Variants in INSYN2A observed in about 807,000 individuals in gnomAD.
INSYN2A encodes the protein inhibitory synaptic factor 2A, also known as family with sequence similarity 196 member A.
In INSYN2A, 17 loss-of-function variants were observed where a neutral mutation model predicts 39.4. That is an observed-to-expected ratio of 0.43 (90% CI 0.30 to 0.65). The LOEUF is 0.65. Ranked by LOEUF, INSYN2A falls within the 30% of genes least tolerant of loss-of-function variation. INSYN2A has a pLI of 0.14. For missense variants in INSYN2A, 595 were observed against 631.2 expected (o/e 0.94, Z 0.61); for synonymous variants, 255 against 265.7 (o/e 0.96, Z 0.39).
rs773940409 is a variant in INSYN2A at position 127,137,805 on chromosome 10, A to G, written c.*32T>C. 1 of 1,588,960 alleles carries G rather than the reference A, an allele frequency of 6.3e-7. No homozygotes were observed. Among genetic ancestry groups the G allele is most frequent in the East Asian group, 2.2e-5 (1 of 44,756 alleles). On this transcript the variant is annotated 3_prime_UTR_variant, in exon 6 of 6. Coordinates refer to ENST00000522781, the MANE Select transcript of INSYN2A (RefSeq NM_001039762.3). ...TGACTTAAACTCCAGTGGGTTCTAAAGACGGCCTCGAGACTCCAGACACCG... is the reference window on the plus strand; with the variant it reads ...TGACTTAAACTCCAGTGGGTTCTAAGGACGGCCTCGAGACTCCAGACACCG...
chr10:127,181,246 A>T (rs564269900), intron 2 of INSYN2A, among the ~76,000 whole-genome samples: 1 of 152,360 alleles, frequency 6.6e-6, no homozygotes, highest in Admixed American at 6.5e-5. Context: ...AGCAGAAGAT[A>T]TGTCAATATT....
chr10:127,145,802 T>G (rs890016264), intron 5 of INSYN2A: 5 of 318,144 alleles, frequency 1.6e-5, no homozygotes, highest in African/African-American at 1.1e-4. Context: ...ATTGAGAGCA[T>G]CATCTCCACT....
At chr10:127,186,054 A>G (rs1589834724) in intron 2 of INSYN2A, among the ~76,000 whole-genome samples, 1 of 152,188 alleles carries the variant, frequency 6.6e-6, no homozygotes, top group African/African-American at 2.4e-5. Flanking sequence ...AACGTTTTAG[A>G]GCATGGCACC....
intron 5 of INSYN2A, among the ~76,000 whole-genome samples, chr10:127,140,720 G>A (rs2051157797): frequency 8.3e-6 from 1 of 120,062 alleles, no homozygotes; most frequent in South Asian, 2.8e-4. Context: ...AGCATCAGAA[G>A]GTTAACGGTC....
intron 4 of INSYN2A, among the ~76,000 whole-genome samples, chr10:127,171,738 C>T (rs1178857971): frequency 6.6e-6 from 1 of 152,146 alleles, no homozygotes; most frequent in Admixed American, 6.5e-5. Flanking sequence ...GAGTCTCGCT[C>T]TGTTGCCCAG....
intron 2 of INSYN2A, among the ~76,000 whole-genome samples, chr10:127,180,236 C>T (rs914544880): frequency 1.3e-5 from 2 of 152,194 alleles, no homozygotes; most frequent in African/African-American, 4.8e-5. Context: ...TCCGGTAACA[C>T]AGTGGGTGTT....
At chr10:127,170,276 G>A (rs1182461919) in intron 4 of INSYN2A, among the ~76,000 whole-genome samples, 1 of 152,082 alleles carries the variant, frequency 6.6e-6, no homozygotes. Flanking sequence ...AAGCCCCGAA[G>A]CCTCAGGGTC....
At chr10:127,146,048 G>A (rs1327459158) in intron 5 of INSYN2A, 4 of 518,488 alleles carry the variant, frequency 7.7e-6, no homozygotes, top group South Asian at 5.6e-5. Flanking sequence ...CCCAGCCCTA[G>A]ACATCGTGGC....
At position 127,187,791 on chromosome 10, in the gene INSYN2A, CAAG is replaced by C. The variant is rs2056420445; in HGVS notation, c.-269+4811_-269+4813del. Among the ~76,000 whole-genome samples, 3 of 152,174 alleles carry C rather than the reference CAAG, an allele frequency of 2.0e-5. No individual in the cohort carries two copies. The South Asian group carries it at 6.2e-4, about 32-fold the overall frequency. The stretch of plus-strand genomic sequence containing the variant: ...GAAAAGAGAGAGAAAAGCAAGCAAG[CAAG>C]CAAGCAAAAGCAAAAGCATATTGGT... On this transcript the variant is annotated intron_variant, in intron 2 of 5. Transcript: ENST00000522781.
At chr10:127,173,977 G>C (rs1384133938) in intron 4 of INSYN2A, among the ~76,000 whole-genome samples, 1 of 152,186 alleles carries the variant, frequency 6.6e-6, no homozygotes, top group East Asian at 1.9e-4. Flanking sequence ...CCCAGGGCAG[G>C]ACCTGCCCCA....
chr10:127,168,107 A>T (rs1212902534), intron 4 of INSYN2A, among the ~76,000 whole-genome samples: 2 of 152,164 alleles, frequency 1.3e-5, no homozygotes, highest in Non-Finnish European at 1.5e-5. Flanking sequence ...AAGCCTGTGC[A>T]CGCAGGTCAG....
chr10:127,151,366 T>C (rs1283080899), intron 5 of INSYN2A, among the ~76,000 whole-genome samples: 1 of 152,168 alleles, frequency 6.6e-6, no homozygotes, highest in Non-Finnish European at 1.5e-5. Flanking sequence ...GAAATATTAC[T>C]CTGCAGACTG....
At chr10:127,187,006 C>T (rs1454954316) in intron 2 of INSYN2A, among the ~76,000 whole-genome samples, 2 of 152,130 alleles carry the variant, frequency 1.3e-5, no homozygotes, top group South Asian at 4.1e-4. Context: ...GTTTTGGTTG[C>T]TCTTAAAGGG....
chr10:127,150,380 C>CTGTCA (rs1554897140), intron 5 of INSYN2A, among the ~76,000 whole-genome samples: 1 of 151,398 alleles, frequency 6.6e-6, no homozygotes, highest in Non-Finnish European at 1.5e-5. Flanking sequence ...GGGAAGTGAC[C>CTGTCA]CTGTGTATCA....
At chr10:127,174,887 T>C (rs1217767813) in intron 4 of INSYN2A, among the ~76,000 whole-genome samples, 1 of 152,236 alleles carries the variant, frequency 6.6e-6, no homozygotes, top group Non-Finnish European at 1.5e-5. Flanking sequence ...GACTGGCATA[T>C]GTTGTTATAC....
intron 4 of INSYN2A, among the ~76,000 whole-genome samples, chr10:127,174,203 C>T (rs903845490): frequency 1.3e-5 from 2 of 152,188 alleles, no homozygotes; most frequent in African/African-American, 4.8e-5. Context: ...GCTCAGGGCT[C>T]GCAGAGTGAA....
intron 5 of INSYN2A, among the ~76,000 whole-genome samples, chr10:127,142,474 C>T (rs1362439518): frequency 6.6e-6 from 1 of 152,160 alleles, no homozygotes; most frequent in Non-Finnish European, 1.5e-5. Context: ...TGGGGAGGAG[C>T]AGCAGCCTGG....
At chr10:127,177,531 G>A (rs2055280910) in intron 2 of INSYN2A, among the ~76,000 whole-genome samples, 1 of 152,218 alleles carries the variant, frequency 6.6e-6, no homozygotes, top group East Asian at 1.9e-4. Context: ...ACAGTCAAAC[G>A]GAAGGCACTG....
intron 5 of INSYN2A, 42 bp from the exon 6 acceptor site, chr10:127,138,062 TC>T: frequency 6.5e-7 from 1 of 1,536,828 alleles, no homozygotes; most frequent in South Asian, 1.2e-5. Flanking sequence ...TTTGATCTTT[TC>T]CATATGAAGA....
Sources: gnomAD v4.1 joint callset for allele counts (sites outside exome capture counted in the v4.1 genomes callset) on GRCh38, gnomAD v4.1.1 for gene constraint, MANE v1.5 for transcripts, NCBI Gene and HGNC (gene_info 2026-07-23, HGNC 2026-07-21) for gene names.